The following PJA2 variants were observed in gnomAD, a reference collection of about 807,000 sequenced individuals.
PJA2 encodes praja ring finger ubiquitin ligase 2.
In PJA2, 25 loss-of-function variants were observed where a neutral mutation model predicts 69.3. The observed-to-expected ratio is 0.36, with a 90% CI of 0.26 to 0.50. The LOEUF is 0.50. Ranked by LOEUF, PJA2 falls within the 20% of genes least tolerant of loss-of-function variation. The probability of loss-of-function intolerance (pLI) is 0.96; values close to 1 mark genes in which losing one functional copy is unlikely to be tolerated. For synonymous variants in PJA2, 308 were observed against 277.8 expected (o/e 1.11, Z -1.08); for missense variants, 809 against 830.2 (o/e 0.97, Z 0.31).
At chr5:109,363,758 T>C (rs1420795562) in intron 5 of PJA2, among the ~76,000 whole-genome samples, 1 of 152,076 alleles carries the variant, frequency 6.6e-6, no homozygotes, top group African/African-American at 2.4e-5. Flanking sequence ...CTACTCCTAC[T>C]AGAAACTAAC....
Position 109,337,131 on chromosome 5 carries a change from G to A in PJA2, c.*100C>T. ...TAAACTATGGCATATACTATATATA[G>A]CATTTTTAAATATATTTATATATAA... On this transcript the variant is annotated 3_prime_UTR_variant, in exon 10 of 10. Coordinates refer to ENST00000361189, the MANE Select transcript of PJA2 (RefSeq NM_014819.5). 1 of 1,122,638 alleles carries A rather than the reference G, an allele frequency of 8.9e-7. No homozygotes were observed. The highest frequency in any genetic ancestry group is 1.2e-6 in the Non-Finnish European group (1 of 835,930). The allele number at this position is 1,122,638 out of a possible 1,614,324, so 69.5% of individuals were successfully genotyped here.
At chr5:109,395,439 G>A (rs1747385200) in intron 1 of PJA2, among the ~76,000 whole-genome samples, 1 of 152,062 alleles carries the variant, frequency 6.6e-6, no homozygotes, top group Non-Finnish European at 1.5e-5. Context: ...GAGGTGGGAG[G>A]TCACGTGAGC....
At chr5:109,389,096 T>C (rs942964981) in intron 1 of PJA2, among the ~76,000 whole-genome samples, 3 of 152,160 alleles carry the variant, frequency 2.0e-5, no homozygotes, top group African/African-American at 7.2e-5. Flanking sequence ...TCATGAGAAA[T>C]ATTGGCTTAA....
chr5:109,393,581 C>G (rs1018159346), intron 1 of PJA2, among the ~76,000 whole-genome samples: 3 of 151,832 alleles, frequency 2.0e-5, no homozygotes, highest in African/African-American at 7.3e-5. Flanking sequence ...CTGCAGTGAG[C>G]TATCATCCTA....
rs147789201 is a variant in PJA2, at chr5:109,360,130, T to C, written c.1652+2710A>G. On this transcript the variant is annotated intron_variant, in intron 6 of 9. Transcript: ENST00000361189. Reference sequence around the variant, plus strand: ...AAATTATATCAAAATTATTTTTAAATTCTATTAAGCCACAGTTATATCCAC... The same window carrying C: ...AAATTATATCAAAATTATTTTTAAACTCTATTAAGCCACAGTTATATCCAC... 2.1e-3 allele frequency among the ~76,000 whole-genome samples: 319 copies of C among 152,320 alleles called. 1 individual carries two copies. Among genetic ancestry groups the C allele is most frequent in the African/African-American group, 7.1e-3 (296 of 41,582 alleles).
intron 1 of PJA2, among the ~76,000 whole-genome samples, chr5:109,405,845 C>A (rs188266135): frequency 1.3e-5 from 2 of 151,846 alleles, no homozygotes; most frequent in African/African-American, 4.8e-5. Context: ...TCTTAGAACA[C>A]AGAAGCACAA....
At chr5:109,371,394 A>G (rs1301734390) in intron 4 of PJA2, among the ~76,000 whole-genome samples, 1 of 152,164 alleles carries the variant, frequency 6.6e-6, no homozygotes, top group African/African-American at 2.4e-5. Context: ...TAATGCTATC[A>G]CCATGCTCTC....
At chr5:109,342,116 G>C (rs1189184881) in intron 9 of PJA2, among the ~76,000 whole-genome samples, 1 of 124,418 alleles carries the variant, frequency 8.0e-6, no homozygotes, top group Non-Finnish European at 1.8e-5. Context: ...TCGGCCCCCC[G>C]CCCGGCCAGC....
intron 7 of PJA2, among the ~76,000 whole-genome samples, chr5:109,345,534 A>C (rs1216992106): frequency 8.0e-5 from 12 of 149,460 alleles, no homozygotes; most frequent in Non-Finnish European, 5.9e-5. Context: ...AAAAAAAAAA[A>C]CTACCTTGTC....
At chr5:109,374,855 T>G (rs977521565) in intron 4 of PJA2, among the ~76,000 whole-genome samples, 2 of 152,012 alleles carry the variant, frequency 1.3e-5, no homozygotes, top group African/African-American at 2.4e-5. Flanking sequence ...TGCTGAAAGG[T>G]TTTTTTTAAA....
chr5:109,369,921 A>G (rs1762648001), intron 4 of PJA2, among the ~76,000 whole-genome samples: 1 of 151,772 alleles, frequency 6.6e-6, no homozygotes, highest in Admixed American at 6.6e-5. Flanking sequence ...AATCCCAGCT[A>G]CTTGGGAGGC....
chr5:109,396,770 A>G (rs1357342126), intron 1 of PJA2, among the ~76,000 whole-genome samples: 1 of 136,434 alleles, frequency 7.3e-6, no homozygotes, highest in East Asian at 2.4e-4. Context: ...AAGAAAAAAA[A>G]AAAAAAGGCA....
At chr5:109,377,917 ATTTTATTAAT>A (rs770565535) in intron 4 of PJA2, among the ~76,000 whole-genome samples, 39 of 152,314 alleles carry the variant, frequency 2.6e-4, no homozygotes, top group Admixed American at 3.9e-4. Flanking sequence ...TTTATTTTAC[ATTTTATTAAT>A]TGAAATACCA....
intron 1 of PJA2, among the ~76,000 whole-genome samples, chr5:109,403,200 A>G (rs1442706392): frequency 2.0e-5 from 3 of 152,164 alleles, no homozygotes; most frequent in African/African-American, 7.2e-5. Context: ...GCATTAAAAT[A>G]ATTAAGAAAC....
At position 109,378,967 on chromosome 5, in the gene PJA2, G is replaced by T; in HGVS notation, c.520C>A (p.His174Asn). 6.2e-7 allele frequency: 1 copy of T among 1,614,084 alleles called. No individual in the cohort carries two copies. The highest frequency in any genetic ancestry group is 8.5e-7 in the Non-Finnish European group (1 of 1,180,022). The part of the protein sequence containing the change: ...HTDSYDPDGK[H>N]GEDNDHLQLS... ...TGAAGATGGTCATTATCTTCTCCAT[G>T]TTTGCCATCTGGATCATAAGAGTCT... Residue 174 changes from histidine (H) to asparagine (N), a missense_variant, in exon 4 of 10, where the codon CAT becomes AAT. By Grantham distance (68) the His-to-Asn change is moderately conservative (BLOSUM62 1). Around this residue, in one of 4 missense-constraint regions of PJA2, gnomAD observed 700 missense variants for 639.5 expected, o/e 1.09. Coordinates refer to ENST00000361189, the MANE Select transcript of PJA2 (RefSeq NM_014819.5).
intron 2 of PJA2, among the ~76,000 whole-genome samples, chr5:109,382,203 G>A (rs913100994): frequency 6.6e-6 from 1 of 152,086 alleles, no homozygotes; most frequent in Non-Finnish European, 1.5e-5. Flanking sequence ...TCTGTACCAT[G>A]AAGAATCAAC....
At chr5:109,379,995 G>T (rs1747002411) in intron 3 of PJA2, among the ~76,000 whole-genome samples, 1 of 150,832 alleles carries the variant, frequency 6.6e-6, no homozygotes, top group Admixed American at 6.6e-5. Flanking sequence ...TTTGAGATTT[G>T]CTGGAATAAA....
chr5:109,402,206 T>A (rs575583774), intron 1 of PJA2, among the ~76,000 whole-genome samples: 4 of 152,318 alleles, frequency 2.6e-5, no homozygotes, highest in Admixed American at 2.6e-4. Flanking sequence ...TAAGATTGTA[T>A]ATTTAAATCC....
intron 1 of PJA2, among the ~76,000 whole-genome samples, chr5:109,408,563 G>C (rs1747748317): frequency 6.6e-6 from 1 of 152,012 alleles, no homozygotes; most frequent in Non-Finnish European, 1.5e-5. Context: ...ACGTGTACTT[G>C]TATGTGTCTA....
Sources: allele counts gnomAD v4.1 joint callset (sites outside exome capture counted in the v4.1 genomes callset), GRCh38; gene constraint gnomAD v4.1.1; regional missense constraint gnomAD v4.1.1; transcripts MANE v1.5; gene names NCBI Gene and HGNC (gene_info 2026-07-23, HGNC 2026-07-21).